The following NLN variants were observed in gnomAD, a reference collection of about 807,000 sequenced individuals.
NLN encodes the protein neurolysin.
A neutral mutation model predicts 79.9 loss-of-function variants in NLN; 64 were observed. The ratio of observed to expected loss-of-function variants is 0.80; its 90% confidence interval spans 0.65 to 0.99. The LOEUF (loss-of-function observed/expected upper bound fraction) is 0.99, where lower values mean the gene tolerates loss of function less well. Among genes scored for constraint, NLN ranks in the 50% least tolerant of loss-of-function variants. NLN has a pLI of 0.00. For synonymous variants in NLN, 267 were observed against 296.6 expected (o/e 0.90, Z 1.02); for missense variants, 835 against 858.7 (o/e 0.97, Z 0.34).
At chr5:65,745,222 A>G (rs1015334260) in intron 1 of NLN, among the ~76,000 whole-genome samples, 2 of 152,238 alleles carry the variant, frequency 1.3e-5, no homozygotes, top group South Asian at 4.1e-4. Flanking sequence ...GGAGTGGTAT[A>G]GATAACAAGT....
At chr5:65,731,604 C>A (rs377620079) in intron 1 of NLN, among the ~76,000 whole-genome samples, 2 of 151,914 alleles carry the variant, frequency 1.3e-5, no homozygotes, top group African/African-American at 4.8e-5. Flanking sequence ...TGCTTTTTTG[C>A]TTTATCCCTA....
intron 3 of NLN, among the ~76,000 whole-genome samples, chr5:65,768,954 C>G (rs564992465): frequency 1.9e-4 from 29 of 152,252 alleles, no homozygotes; most frequent in Non-Finnish European, 3.2e-4. Flanking sequence ...TGAAAGGGCA[C>G]AGTTCAGTCC....
At position 65,810,188 on chromosome 5, in the gene NLN, G is replaced by C. The variant is rs149634188; in HGVS notation, c.1843+23G>C. The C allele has an allele frequency of 4.7e-5, 75 of 1,609,764 alleles. No homozygotes were observed. In the East Asian group the frequency reaches 1.6e-3, roughly 34 times the overall value. On this transcript the variant is annotated intron_variant, in intron 11 of 12. Coordinates refer to ENST00000380985, the MANE Select transcript of NLN (RefSeq NM_020726.5). Reference sequence around the variant, plus strand: ...CAGGTATGTAACTACTATGAATTGAGTTCATTTCTCTGTGAAGCACAGGGC... The same window carrying C: ...CAGGTATGTAACTACTATGAATTGACTTCATTTCTCTGTGAAGCACAGGGC...
At chr5:65,726,453 C>T (rs552701731) in intron 1 of NLN, among the ~76,000 whole-genome samples, 2 of 152,280 alleles carry the variant, frequency 1.3e-5, no homozygotes, top group South Asian at 2.1e-4. Context: ...ATCCACCATT[C>T]CTTTTCGCCA....
At chr5:65,760,337 G>A (rs150132992) in intron 2 of NLN, among the ~76,000 whole-genome samples, 5 of 152,218 alleles carry the variant, frequency 3.3e-5, no homozygotes, top group East Asian at 1.9e-4. Context: ...ATTTAAACTC[G>A]TGAATAAAAA....
At chr5:65,734,688 G>A (rs3855589) in intron 1 of NLN, among the ~76,000 whole-genome samples, 43,443 of 151,968 alleles carry the variant, frequency 0.29, 7,430 homozygotes, top group East Asian at 0.55. Context: ...GGTCAACACC[G>A]AAAGGAAAAT....
chr5:65,729,789 A>G lies in NLN; in HGVS notation c.41+7375A>G, dbSNP rs576011807. Among the ~76,000 whole-genome samples, 5 of 152,348 alleles carry G rather than the reference A, an allele frequency of 3.3e-5. No homozygotes were observed. The South Asian group carries it at 8.3e-4, about 25-fold the overall frequency. ...CTCTTTGGTTAAGACAAAGCACAGG[A>G]CTTACTTGGGAAGAATCCCCTGAAT... On this transcript the variant is annotated intron_variant, in intron 1 of 12. Transcript: ENST00000380985.
chr5:65,727,935 T>A (rs2150731756), intron 1 of NLN, among the ~76,000 whole-genome samples: 1 of 152,192 alleles, frequency 6.6e-6, no homozygotes, highest in East Asian at 1.9e-4. Flanking sequence ...CCTGGCTGAT[T>A]TTTTGTATTT....
chr5:65,731,747 T>C (rs13358836), intron 1 of NLN, among the ~76,000 whole-genome samples: 33,285 of 134,666 alleles, frequency 0.25, 4,297 homozygotes, highest in African/African-American at 0.29. Flanking sequence ...ATTTTCTTTT[T>C]TTTTTTTTTT....
Position 65,758,837 on chromosome 5 carries a change from T to C in NLN, c.301+11T>C. 2 of 1,601,394 alleles carry C rather than the reference T, an allele frequency of 1.2e-6. No homozygotes were observed. Among genetic ancestry groups the C allele is most frequent in the Non-Finnish European group, 1.7e-6 (2 of 1,169,772 alleles). Reference sequence around the variant, plus strand: ...AAGTAAAGTATATAGGTGGGTCAGATGCAGAAGCATATCAGTGTTTCACTT... The same window carrying C: ...AAGTAAAGTATATAGGTGGGTCAGACGCAGAAGCATATCAGTGTTTCACTT... On this transcript the variant is annotated intron_variant, in intron 2 of 12. Transcript: ENST00000380985.
intron 7 of NLN, 104 bp from the exon 8 acceptor site, chr5:65,788,014 G>A: frequency 9.1e-7 from 1 of 1,097,328 alleles, no homozygotes; most frequent in South Asian, 1.5e-5. Context: ...TATCTGTATT[G>A]AGTACTGCAA....
At chr5:65,742,677 A>G (rs988473781) in intron 1 of NLN, among the ~76,000 whole-genome samples, 2 of 152,196 alleles carry the variant, frequency 1.3e-5, no homozygotes, top group South Asian at 4.1e-4. Flanking sequence ...GTTGCTAAAC[A>G]ATTTCTGCCC....
At chr5:65,765,472 TGTGCCATTGGGCTCCAGCC>T (rs1759431845) in intron 3 of NLN, among the ~76,000 whole-genome samples, 4 of 152,136 alleles carry the variant, frequency 2.6e-5, no homozygotes, top group Non-Finnish European at 4.4e-5. Context: ...GAGTCTAGAC[TGTGCCATTGGGCTCCAGCC>T]TGGGCAACAA....
intron 3 of NLN, among the ~76,000 whole-genome samples, chr5:65,773,049 C>T (rs1249500669): frequency 6.6e-6 from 1 of 151,572 alleles, no homozygotes; most frequent in Non-Finnish European, 1.5e-5. Flanking sequence ...ACCACCTGGG[C>T]TCAAGTGATC....
chr5:65,762,837 CA>C, intron 2 of NLN, 122 bp from the exon 3 acceptor site: 1 of 917,034 alleles, frequency 1.1e-6, no homozygotes, highest in Non-Finnish European at 1.6e-6. Flanking sequence ...GGAGGCTTTA[CA>C]GAAAGTATAA....
chr5:65,785,696 C>A, intron 6 of NLN, 79 bp from the exon 7 acceptor site: 7 of 1,085,424 alleles, frequency 6.4e-6, no homozygotes, highest in African/African-American at 1.6e-5. Context: ...CCTAAAAATA[C>A]ATACAGTAAT....
At chr5:65,723,761 G>A (rs1234382772) in intron 1 of NLN, among the ~76,000 whole-genome samples, 1 of 139,222 alleles carries the variant, frequency 7.2e-6, no homozygotes, top group African/African-American at 2.7e-5. Context: ...CTTGCAGTGA[G>A]CCGAGATCGC....
At chr5:65,782,702 C>A (rs1416411630) in intron 6 of NLN, among the ~76,000 whole-genome samples, 1 of 152,178 alleles carries the variant, frequency 6.6e-6, no homozygotes, top group Non-Finnish European at 1.5e-5. Flanking sequence ...ATAGGCAGAA[C>A]CTCCCTGAGC....
intron 12 of NLN, among the ~76,000 whole-genome samples, chr5:65,814,042 G>T (rs539577241): frequency 6.6e-6 from 1 of 152,046 alleles, no homozygotes; most frequent in African/African-American, 2.4e-5. Flanking sequence ...GGAGTTCCTG[G>T]TAAGAGTTCC....
Sources: allele counts gnomAD v4.1 joint callset (sites outside exome capture counted in the v4.1 genomes callset), GRCh38; gene constraint gnomAD v4.1.1; transcripts MANE v1.5; gene names NCBI Gene and HGNC (gene_info 2026-07-23, HGNC 2026-07-21).